Variants in CFAP57 observed in about 807,000 individuals in gnomAD.
The protein encoded by CFAP57 is cilia- and flagella-associated protein 57.
In CFAP57, 116 loss-of-function variants were observed where a neutral mutation model predicts 146.8. The ratio of observed to expected loss-of-function variants is 0.79; its 90% CI spans 0.68 to 0.92. The LOEUF (loss-of-function observed/expected upper bound fraction) is 0.92, where lower values mean the gene tolerates loss of function less well. CFAP57 is among the 40% of genes least tolerant of loss of function. The pLI is 0.00. For synonymous variants in CFAP57, 518 were observed against 552.8 expected, an observed-to-expected ratio of 0.94 and a Z score of 0.88; for missense variants, 1,377 against 1,527.2, an observed-to-expected ratio of 0.90 and a Z score of 1.64.
intron 11 of CFAP57, chr1:43,210,597 C>A (rs559729793): frequency 1.3e-5 from 3 of 222,842 alleles, no homozygotes; most frequent in East Asian, 3.4e-4. Flanking sequence ...CAGTGTGATT[C>A]CACTTTTAGG....
chr1:43,214,416 A>G (rs1644756167), intron 11 of CFAP57, among the ~76,000 whole-genome samples: 1 of 152,156 alleles, frequency 6.6e-6, no homozygotes, highest in Non-Finnish European at 1.5e-5. Context: ...AAATCTTCAA[A>G]TCCATCCAAG....
chr1:43,199,248 G>GT, intron 8 of CFAP57, 142 bp from the exon 9 acceptor site: 2 of 796,018 alleles, frequency 2.5e-6, no homozygotes, highest in Non-Finnish European at 4.5e-6. Flanking sequence ...CCACTCCTCA[G>GT]TCTCATTTGC....
intron 21 of CFAP57, 128 bp downstream of exon 21, chr1:43,234,766 C>G (rs1645622608): frequency 9.1e-6 from 11 of 1,211,324 alleles, no homozygotes; most frequent in Middle Eastern, 2.9e-4. Flanking sequence ...GTAGCTCCCC[C>G]TAAAGTCTTA....
chr1:43,185,678 CAA>C (rs57421849), intron 5 of CFAP57, among the ~76,000 whole-genome samples: 12 of 65,638 alleles, frequency 1.8e-4, no homozygotes, highest in Admixed American at 3.2e-4. Flanking sequence ...CCCATCTCTA[CAA>C]AAAAAAAAAA....
chr1:43,180,453 A>G (rs538523980), intron 2 of CFAP57, among the ~76,000 whole-genome samples: 1 of 152,130 alleles, frequency 6.6e-6, no homozygotes, highest in East Asian at 1.9e-4. Context: ...GATGGTGGAT[A>G]CAGGCCCAGG....
At chr1:43,200,001 T>C (rs1270285972) in intron 9 of CFAP57, among the ~76,000 whole-genome samples, 2 of 152,110 alleles carry the variant, frequency 1.3e-5, no homozygotes, top group Non-Finnish European at 2.9e-5. Flanking sequence ...ATCCTTCTTA[T>C]TTCTTGAAAT....
intron 1 of CFAP57, 133 bp from the exon 2 acceptor site, chr1:43,172,602 G>C: frequency 1.3e-6 from 1 of 791,388 alleles, no homozygotes; most frequent in Non-Finnish European, 2.1e-6. Context: ...AGGGGAAAGG[G>C]GAGGGACAAG....
chr1:43,214,476 T>G (rs1644758515), intron 11 of CFAP57, among the ~76,000 whole-genome samples: 1 of 152,232 alleles, frequency 6.6e-6, no homozygotes, highest in South Asian at 2.1e-4. Context: ...CTGAGTAGTA[T>G]TCCATGAAAA....
chr1:43,188,090 C>T (rs1000197800), intron 6 of CFAP57, among the ~76,000 whole-genome samples: 11 of 152,116 alleles, frequency 7.2e-5, no homozygotes, highest in Admixed American at 1.3e-4. Flanking sequence ...AAGTGTGAGC[C>T]GCCACACCTG....
At chr1:43,197,762 A>G in intron 7 of CFAP57, 70 bp downstream of exon 7, 1 of 1,592,234 alleles carries the variant, frequency 6.3e-7, no homozygotes, top group Non-Finnish European at 8.6e-7. Context: ...AATTATTTTA[A>G]TTACAGTGTT....
chr1:43,216,409 C>T (rs369162604), intron 12 of CFAP57, among the ~76,000 whole-genome samples: 1 of 152,114 alleles, frequency 6.6e-6, no homozygotes, highest in African/African-American at 2.4e-5. Context: ...AGGGAGGGGC[C>T]CGTGAGAGTG....
chr1:43,230,567 C>G (rs749887053), intron 18 of CFAP57, among the ~76,000 whole-genome samples: 1 of 152,184 alleles, frequency 6.6e-6, no homozygotes, highest in African/African-American at 2.4e-5. Context: ...AATCCCTGCT[C>G]CTGCAGCCAC....
intron 18 of CFAP57, among the ~76,000 whole-genome samples, chr1:43,228,255 G>A (rs896999288): frequency 2.6e-5 from 4 of 152,210 alleles, no homozygotes; most frequent in Non-Finnish European, 5.9e-5. Flanking sequence ...TGTAAGTCAC[G>A]CTTTTCCATC....
rs536334213 is a variant in CFAP57 at position 43,228,986 on chromosome 1, T to C, written c.3009+1860T>C. Among the ~76,000 whole-genome samples the C allele has an allele frequency of 1.3e-4, 20 of 148,996 alleles. 2 individuals carry two copies. The highest frequency in any genetic ancestry group is 4.5e-4 in the African/African-American group (18 of 39,988). ...TGAGGGCTCTGCCCTCGTGACCTGA[T>C]CACCTCCCAAAGACCTGACCTCCTA... is the stretch of plus-strand genomic sequence containing the variant. On this transcript the variant is annotated intron_variant, in intron 18 of 22. Transcript: ENST00000372492.
chr1:43,207,073 A>G (rs1238879035), intron 10 of CFAP57, 141 bp downstream of exon 10: 13 of 819,926 alleles, frequency 1.6e-5, no homozygotes, highest in African/African-American at 3.4e-5. Context: ...CAGGCTCCTC[A>G]TTCCTTTTAG....
intron 15 of CFAP57, among the ~76,000 whole-genome samples, chr1:43,222,519 G>A (rs1196404856): frequency 6.6e-6 from 1 of 152,196 alleles, no homozygotes; most frequent in Non-Finnish European, 1.5e-5. Flanking sequence ...AAAAATATAG[G>A]AAGGCTGGGT....
In CFAP57 at chr1:43,181,550, G is replaced by A. The variant is rs1557728210; in HGVS notation, c.174G>A (p.Gln58=). The change falls in exon 3 of 23, where the codon CAG becomes CAA. Residue 58 remains glutamine, a synonymous_variant. Coordinates refer to ENST00000372492, the MANE Select transcript of CFAP57 (RefSeq NM_001378189.1). ...QKFIPGSEKS[Q]GMLALSISPN... ...TGTTTGCAGGCTCAGAGAAGAGTCA[G>A]GGCATGTTGGCCTTGTCCATCAGTC... 1 of 1,614,178 alleles carries A rather than the reference G, an allele frequency of 6.2e-7. No individual in the cohort carries two copies. Among genetic ancestry groups the A allele is most frequent in the Non-Finnish European group, 8.5e-7 (1 of 1,180,028 alleles).
Position 43,254,038 on chromosome 1 carries a change from T to C in CFAP57, c.3600T>C (p.Thr1200=). ...PTARLNEQEE[T]GRIIEMQRLE... is the part of the protein sequence containing the mutation. ...CAAGGTTGAATGAGCAAGAAGAAAC[T>C]GGGAGGATCATTGAAATGCAGCGCC... is the stretch of plus-strand genomic sequence containing the variant. Residue 1200 remains threonine, a synonymous_variant, in exon 23 of 23, where the codon ACT becomes ACC. Transcript: ENST00000372492. 1 of 1,550,386 alleles carries C rather than the reference T, an allele frequency of 6.5e-7. No homozygotes were observed. The highest frequency in any genetic ancestry group is 8.7e-7 in the Non-Finnish European group (1 of 1,146,966).
chr1:43,234,458 T>A, intron 20 of CFAP57, 37 bp from the exon 21 acceptor site: 1 of 1,542,258 alleles, frequency 6.5e-7, no homozygotes, highest in East Asian at 2.5e-5. Flanking sequence ...CTCCGGGGTC[T>A]CCTCTCCCTC....
Sources: gnomAD v4.1 joint callset for allele counts (sites outside exome capture counted in the v4.1 genomes callset) on GRCh38, gnomAD v4.1.1 for gene constraint, MANE v1.5 for transcripts, NCBI Gene and HGNC (gene_info 2026-07-23, HGNC 2026-07-21) for gene names.